Variants in CYREN observed in about 807,000 individuals in gnomAD.
The protein encoded by CYREN is cell cycle regulator of NHEJ.
CYREN carries 7 observed loss-of-function variants against 9.7 expected under a neutral mutation model. The observed-to-expected ratio is 0.72, with a 90% confidence interval of 0.41 to 1.36. The LOEUF is 1.36. Among genes scored for constraint, CYREN ranks in the 40% most tolerant of loss-of-function variants. The pLI, the probability that CYREN is intolerant of heterozygous loss-of-function variation, is 0.01. For synonymous variants in CYREN, 76 were observed against 77.9 expected, an observed-to-expected ratio of 0.98 and a Z score of 0.13; for missense variants, 215 against 198.1, an observed-to-expected ratio of 1.09 and a Z score of -0.51.
intron 2 of CYREN, among the ~76,000 whole-genome samples, chr7:135,104,769 G>A (rs1473670748): frequency 1.3e-5 from 2 of 148,914 alleles, no homozygotes; most frequent in Admixed American, 6.7e-5. Context: ...TTTTAATGGG[G>A]CTGTTTGGTT....
intron 2 of CYREN, chr7:135,148,042 A>T: frequency 2.2e-6 from 1 of 456,094 alleles, no homozygotes; most frequent in Non-Finnish European, 4.4e-6. Context: ...GCTGATAGTG[A>T]CATCAGTCAG....
At chr7:135,132,661 C>T (rs761246189) in intron 2 of CYREN, among the ~76,000 whole-genome samples, 10 of 152,234 alleles carry the variant, frequency 6.6e-5, no homozygotes, top group East Asian at 5.8e-4. Flanking sequence ...ATACTCTTCT[C>T]GTGGTACTGA....
Position 135,166,607 on chromosome 7 carries a change from T to C in CYREN, c.*4A>G, listed in dbSNP as rs547456888. 4 of 1,586,464 alleles carry C rather than the reference T, an allele frequency of 2.5e-6. No individual in the cohort carries two copies. Among genetic ancestry groups the C allele is most frequent in the South Asian group, 2.3e-5 (2 of 88,392 alleles). ...GGCAGACAGTTCAGTGCACAGTTTATGCCCTAGCTGAAAAAGATCTCCCGG... is the reference window on the plus strand; with the variant it reads ...GGCAGACAGTTCAGTGCACAGTTTACGCCCTAGCTGAAAAAGATCTCCCGG... On this transcript the variant is annotated 3_prime_UTR_variant, in exon 4 of 4. Transcript: ENST00000393114.
intron 2 of CYREN, among the ~76,000 whole-genome samples, chr7:135,095,800 C>CTT (rs1249239840): frequency 6.6e-6 from 1 of 152,178 alleles, no homozygotes; most frequent in African/African-American, 2.4e-5. Context: ...GAGCATCACT[C>CTT]TGAGTGGACG....
At chr7:135,094,521 G>A (rs1254684422) in exon 3 of CYREN, 3 of 456,480 alleles carry the variant, frequency 6.6e-6, no homozygotes, top group African/African-American at 6.0e-5. Context: ...TCATTTTTGT[G>A]GACTTTATCT....
At chr7:135,161,945 C>T (rs546190549), downstream of CYREN, among the ~76,000 whole-genome samples, 10 of 152,352 alleles carry the variant, frequency 6.6e-5, no homozygotes, top group East Asian at 9.6e-4. The surrounding 1 kb of genome is among the most constrained non-coding windows in gnomAD (Gnocchi z 4.1). Flanking sequence ...TGAGGGGAGG[C>T]GGTGGCAGTG....
downstream of CYREN, among the ~76,000 whole-genome samples, chr7:135,161,913 C>T (rs879494664): frequency 2.0e-5 from 3 of 152,212 alleles, no homozygotes; most frequent in Non-Finnish European, 2.9e-5. This position sits in a 1 kb window ranked among gnomAD's most constrained non-coding sequence, Gnocchi z 4.1. Flanking sequence ...CCCAGTGCTG[C>T]TGAGTCCAGA....
chr7:135,171,301 C>G (rs1830640902), upstream of CYREN, among the ~76,000 whole-genome samples: 1 of 138,100 alleles, frequency 7.2e-6, no homozygotes, highest in Non-Finnish European at 1.5e-5. Context: ...GTTTTATACT[C>G]AGTACCTGTT....
chr7:135,117,615 C>T (rs1298771939), intron 2 of CYREN, among the ~76,000 whole-genome samples: 4 of 152,058 alleles, frequency 2.6e-5, no homozygotes, highest in Non-Finnish European at 5.9e-5. Context: ...GAGAAGGTAG[C>T]CATAAAGAAC....
intron 2 of CYREN, among the ~76,000 whole-genome samples, chr7:135,096,325 AAAAAG>A (rs1684141136): frequency 6.6e-6 from 1 of 151,826 alleles, no homozygotes; most frequent in Non-Finnish European, 1.5e-5. Flanking sequence ...AATGTCACCA[AAAAAG>A]AAAAAGAGGA....
At chr7:135,093,018 G>A (rs907556251) in exon 3 of CYREN, 1 of 145,966 alleles carries the variant, frequency 6.9e-6, no homozygotes, top group Non-Finnish European at 1.5e-5. Flanking sequence ...AATTAGGAAA[G>A]ATAGAATCTT....
intron 2 of CYREN, among the ~76,000 whole-genome samples, chr7:135,141,838 T>C (rs1445865834): frequency 1.3e-5 from 2 of 152,188 alleles, no homozygotes; most frequent in African/African-American, 4.8e-5. Context: ...ATTGTTTAAT[T>C]TCTATGTAAT....
intron 2 of CYREN, chr7:135,129,535 C>A (rs1325531074): frequency 1.0e-5 from 8 of 772,208 alleles, no homozygotes; most frequent in Non-Finnish European, 1.9e-5. Flanking sequence ...ATGACATGTA[C>A]TGGCTGTATG....
chr7:135,171,880 A>G (rs1370519552), upstream of CYREN, among the ~76,000 whole-genome samples: 1 of 152,262 alleles, frequency 6.6e-6, no homozygotes, highest in Admixed American at 6.5e-5. Context: ...ATGCCTTGCC[A>G]GAGCAGCGCA....
At chr7:135,164,504 G>T, downstream of CYREN, 1 of 1,613,360 alleles carries the variant, frequency 6.2e-7, no homozygotes. Flanking sequence ...TAGTCCTCGT[G>T]ATTGTGGTCA....
intron 2 of CYREN, among the ~76,000 whole-genome samples, chr7:135,122,967 A>G (rs1827349010): frequency 1.3e-5 from 2 of 152,104 alleles, no homozygotes; most frequent in Admixed American, 1.3e-4. Flanking sequence ...TGAAAACCCA[A>G]AAGGCCAGAG....
rs567713018 is a variant in CYREN at position 135,137,837 on chromosome 7, G to C, written n.356+30912C>G. ...TGTCAACAGATCCAGTGTCCAGTGA[G>C]GGCAGTCATCTTGGTTTGCAGGTGG... On this transcript the variant is annotated intron_variant and non_coding_transcript_variant, in intron 2 of 2. Transcript: ENST00000459937. Among the ~76,000 whole-genome samples, 5 of 152,156 alleles carry C rather than the reference G, an allele frequency of 3.3e-5. No homozygotes were observed. The South Asian group carries it at 1.0e-3, about 32-fold the overall frequency.
intron 2 of CYREN, among the ~76,000 whole-genome samples, chr7:135,138,969 C>T (rs1300795641): frequency 6.6e-6 from 1 of 151,974 alleles, no homozygotes; most frequent in African/African-American, 2.4e-5. Context: ...ATATGTGTAC[C>T]ACATTTTCTT....
chr7:135,096,588 G>C lies in CYREN; in HGVS notation n.357-2006C>G, dbSNP rs868469071. ...AGATAGATAGATAGATAGATACATA[G>C]ATAGATAGATAGATAGATAGATAGA... On this transcript the variant is annotated intron_variant and non_coding_transcript_variant, in intron 2 of 2. Transcript: ENST00000459937. 3.3e-3 allele frequency among the ~76,000 whole-genome samples: 396 copies of C among 120,288 alleles called. 9 individuals carry two copies. The highest frequency in any genetic ancestry group is 0.015 in the African/African-American group (386 of 25,374). 78.9% of individuals were successfully genotyped at this position (120,288 alleles called of 152,430 possible). A position where few individuals can be genotyped will look rare whatever the true frequency, so the allele number is the denominator to read the frequency against.
Sources: gnomAD v4.1 joint callset for allele counts (sites outside exome capture counted in the v4.1 genomes callset) on GRCh38, gnomAD v4.1.1 for gene constraint, Gnocchi (gnomAD v3.1) non-coding constraint, MANE v1.5 for transcripts, NCBI Gene and HGNC (gene_info 2026-07-23, HGNC 2026-07-21) for gene names.